Variants in GRID1 observed in about 807,000 individuals in gnomAD.
GRID1 encodes the protein glutamate receptor ionotropic, delta-1.
A neutral mutation model predicts 98.0 loss-of-function variants in GRID1; 28 were observed. The observed-to-expected ratio is 0.29, with a 90% CI of 0.21 to 0.39. The LOEUF is 0.39. Ranked by LOEUF, GRID1 falls within the 10% of genes least tolerant of loss-of-function variation. The pLI is 1.00. For missense variants in GRID1, 1,111 were observed against 1,340.5 expected (o/e 0.83, Z 2.67); for synonymous variants, 553 against 538.5 (o/e 1.03, Z -0.37).
At chr10:86,336,156 G>T (rs1848218167) in intron 2 of GRID1, among the ~76,000 whole-genome samples, 1 of 152,244 alleles carries the variant, frequency 6.6e-6, no homozygotes, top group Non-Finnish European at 1.5e-5. Flanking sequence ...GCTCTCCTAG[G>T]AGTCTGATCA....
chr10:86,028,075 A>T (rs1187839163), intron 4 of GRID1, among the ~76,000 whole-genome samples: 1 of 152,182 alleles, frequency 6.6e-6, no homozygotes, highest in Non-Finnish European at 1.5e-5. Context: ...ACTCTTCTCA[A>T]ATTACACATC....
rs1403356726 is a variant in GRID1 at position 86,058,774 on chromosome 10, C to T, written c.726+80045G>A. Among the ~76,000 whole-genome samples the T allele has an allele frequency of 2.6e-5, 4 of 152,186 alleles. No individual in the cohort carries two copies. In the South Asian group the frequency reaches 6.2e-4, roughly 24 times the overall value. On this transcript the variant is annotated intron_variant, in intron 4 of 15. Transcript: ENST00000327946. ...TGCAGCAAATATTTTCTTGAGCACCCGCTGTGTGTCTGGCACCATGCTCAG... is the reference window on the plus strand; with the variant it reads ...TGCAGCAAATATTTTCTTGAGCACCTGCTGTGTGTCTGGCACCATGCTCAG...
At chr10:85,880,864 C>G (rs1031112507) in intron 5 of GRID1, among the ~76,000 whole-genome samples, 2 of 152,136 alleles carry the variant, frequency 1.3e-5, no homozygotes, top group Admixed American at 6.5e-5. Context: ...GATTGTATAT[C>G]TAGAAAACAC....
intron 4 of GRID1, among the ~76,000 whole-genome samples, chr10:85,933,301 A>C (rs1000186572): frequency 1.4e-5 from 2 of 147,822 alleles, no homozygotes; most frequent in African/African-American, 5.1e-5. Flanking sequence ...AAAAAAAAAA[A>C]AAAAAAAAAA....
chr10:85,695,191 T>C (rs1389195768), intron 12 of GRID1, among the ~76,000 whole-genome samples: 2 of 152,164 alleles, frequency 1.3e-5, no homozygotes, highest in Non-Finnish European at 2.9e-5. Context: ...TTTTCAACAG[T>C]CTATAGAGTA....
At chr10:85,745,270 C>G (rs12777621) in intron 8 of GRID1, among the ~76,000 whole-genome samples, 4,255 of 26,658 alleles carry the variant, frequency 0.16, 291 homozygotes, top group East Asian at 0.28. Context: ...GACACATGCA[C>G]ACGTATGTTT....
chr10:85,727,392 A>G (rs1011706039), intron 10 of GRID1, among the ~76,000 whole-genome samples: 3 of 152,228 alleles, frequency 2.0e-5, no homozygotes, highest in South Asian at 4.1e-4. Context: ...GAAGAAGAGT[A>G]CAATTTAAAT....
chr10:85,778,089 T>C (rs1360781797), intron 8 of GRID1, among the ~76,000 whole-genome samples: 4 of 152,030 alleles, frequency 2.6e-5, no homozygotes, highest in African/African-American at 4.8e-5. Flanking sequence ...AAATAAAAGA[T>C]GAAGCTGGAA....
At chr10:86,266,993 C>G (rs1252257708) in intron 2 of GRID1, among the ~76,000 whole-genome samples, 1 of 152,214 alleles carries the variant, frequency 6.6e-6, no homozygotes, top group Non-Finnish European at 1.5e-5. Context: ...TAGTGAGGCT[C>G]TCTGTGTGCC....
At chr10:86,188,763 C>T (rs973077413) in intron 3 of GRID1, among the ~76,000 whole-genome samples, 4 of 152,230 alleles carry the variant, frequency 2.6e-5, no homozygotes, top group South Asian at 4.1e-4. Flanking sequence ...CTAGGCACAT[C>T]AGTAATCCCA....
chr10:85,667,625 T>C (rs1233838876), intron 12 of GRID1, among the ~76,000 whole-genome samples: 2 of 152,162 alleles, frequency 1.3e-5, no homozygotes, highest in African/African-American at 2.4e-5. Context: ...CTCCTGCACA[T>C]GGACTCCTAA....
At chr10:86,277,978 AAAGT>A (rs1847297963) in intron 2 of GRID1, among the ~76,000 whole-genome samples, 1 of 144,982 alleles carries the variant, frequency 6.9e-6, no homozygotes, top group Non-Finnish European at 1.5e-5. Flanking sequence ...TAAAATGGCC[AAAGT>A]AAGTATATTC....
At chr10:85,849,293 T>G (rs1206153431) in intron 8 of GRID1, among the ~76,000 whole-genome samples, 1 of 152,192 alleles carries the variant, frequency 6.6e-6, no homozygotes, top group African/African-American at 2.4e-5. Context: ...AGAGCAGTTA[T>G]TACTCAGTGA....
At position 85,688,875 on chromosome 10, in the gene GRID1, C is replaced by T. The variant is rs145416549; in HGVS notation, c.1997+34128G>A. Among the ~76,000 whole-genome samples, 42 of 152,230 alleles carry T rather than the reference C, an allele frequency of 2.8e-4. 1 individual carries two copies. The East Asian group carries it at 6.0e-3, about 22-fold the overall frequency. On this transcript the variant is annotated intron_variant, in intron 12 of 15. Transcript: ENST00000327946. Reference sequence around the variant, plus strand: ...ATTGAAGCCTTCGGAGTGGGTGACACTGCTCAGGAACCACAGAGAATGGGC... The same window carrying T: ...ATTGAAGCCTTCGGAGTGGGTGACATTGCTCAGGAACCACAGAGAATGGGC...
chr10:85,886,974 C>A (rs879438554), intron 5 of GRID1, among the ~76,000 whole-genome samples: 1 of 152,172 alleles, frequency 6.6e-6, no homozygotes, highest in Admixed American at 6.5e-5. Context: ...CTGTGTGATA[C>A]CAGCATTACT....
intron 12 of GRID1, among the ~76,000 whole-genome samples, chr10:85,716,053 C>G (rs7922016): frequency 0.51 from 77,891 of 151,662 alleles, 20,430 homozygotes; most frequent in Middle Eastern, 0.61. Context: ...ATCACAGGTG[C>G]CCGCCACCAT....
chr10:86,162,912 A>G (rs1332914780), intron 3 of GRID1, among the ~76,000 whole-genome samples: 1 of 152,174 alleles, frequency 6.6e-6, no homozygotes, highest in Non-Finnish European at 1.5e-5. Context: ...GGCAGGGGGC[A>G]TATATCTGAT....
intron 8 of GRID1, among the ~76,000 whole-genome samples, chr10:85,740,514 C>T (rs961020237): frequency 1.3e-5 from 2 of 152,092 alleles, no homozygotes; most frequent in Admixed American, 6.6e-5. Flanking sequence ...TCCCATTACA[C>T]TCTCTCAAAC....
At chr10:85,647,526 C>T (rs1372552770) in intron 12 of GRID1, 129 bp from the exon 13 acceptor site, 1 of 719,230 alleles carries the variant, frequency 1.4e-6, no homozygotes. Context: ...TCTTCATTCC[C>T]CATCCCCCAA....
Sources: gnomAD v4.1 joint callset for allele counts (sites outside exome capture counted in the v4.1 genomes callset) on GRCh38, gnomAD v4.1.1 for gene constraint, MANE v1.5 for transcripts, NCBI Gene and HGNC (gene_info 2026-07-23, HGNC 2026-07-21) for gene names.